The following NECTIN1 variants were observed in gnomAD, a reference collection of about 807,000 sequenced individuals.
The protein encoded by NECTIN1 is nectin-1.
In NECTIN1, 23 loss-of-function variants were observed where a neutral mutation model predicts 48.0. That is an observed-to-expected ratio of 0.48 (90% CI 0.34 to 0.68). NECTIN1 has a LOEUF of 0.68. NECTIN1 is among the 30% of genes least tolerant of loss of function. NECTIN1 has a pLI of 0.01. For synonymous variants in NECTIN1, 270 were observed against 288.9 expected, an observed-to-expected ratio of 0.93 and a Z score of 0.66; for missense variants, 591 against 709.9, an observed-to-expected ratio of 0.83 and a Z score of 1.90.
intron 1 of NECTIN1, among the ~76,000 whole-genome samples, chr11:119,690,827 G>A (rs1432009022): frequency 6.6e-6 from 1 of 151,718 alleles, no homozygotes; most frequent in East Asian, 1.9e-4. Flanking sequence ...ACAGGGGCAG[G>A]GACTCTGAGT....
At chr11:119,700,199 G>A (rs1865421617) in intron 1 of NECTIN1, among the ~76,000 whole-genome samples, 1 of 152,134 alleles carries the variant, frequency 6.6e-6, no homozygotes, top group African/African-American at 2.4e-5. Flanking sequence ...GGTGTGGTGT[G>A]ACCTAGCACT....
intron 5 of NECTIN1, among the ~76,000 whole-genome samples, chr11:119,653,862 A>G (rs1287672183): frequency 6.6e-6 from 1 of 152,202 alleles, no homozygotes; most frequent in Non-Finnish European, 1.5e-5. Context: ...CCATATATGA[A>G]CTATCTTTAT....
chr11:119,669,376 A>T (rs1268363701), intron 5 of NECTIN1, among the ~76,000 whole-genome samples: 4 of 146,930 alleles, frequency 2.7e-5, no homozygotes, highest in Non-Finnish European at 5.9e-5. Flanking sequence ...GTGCCATTGC[A>T]CTCCAGCCTG....
At chr11:119,712,354 GCCCCCGAGTCTCCAC>G (rs1236668688) in intron 1 of NECTIN1, among the ~76,000 whole-genome samples, 2 of 118,356 alleles carry the variant, frequency 1.7e-5, no homozygotes, top group African/African-American at 5.2e-5. Context: ...CCCAGTTCAG[GCCCCCGAGTCTCCAC>G]CATAGCCCCG....
chr11:119,648,345 GC>G (rs1864438750), intron 5 of NECTIN1, among the ~76,000 whole-genome samples: 13 of 25,638 alleles, frequency 5.1e-4, no homozygotes, highest in African/African-American at 9.0e-4. Context: ...TGGTGGTGAT[GC>G]TGGTGGTGGT....
chr11:119,675,632 G>A (rs546007166), intron 4 of NECTIN1: 1 of 317,794 alleles, frequency 3.1e-6, no homozygotes, highest in African/African-American at 2.1e-5. Flanking sequence ...CCAATTCTCG[G>A]GACTCCTGGT....
intron 1 of NECTIN1, among the ~76,000 whole-genome samples, chr11:119,679,286 G>A (rs1865018480): frequency 6.6e-6 from 1 of 152,174 alleles, no homozygotes; most frequent in Non-Finnish European, 1.5e-5. Context: ...AGGTTACTGG[G>A]GGAAACAAAT....
At position 119,665,026 on chromosome 11, in the gene NECTIN1, CT is replaced by C; in HGVS notation, c.1274del (p.Glu425GlyfsTer173). 6.2e-7 allele frequency: 1 copy of C among 1,613,878 alleles called. No individual in the cohort carries two copies. The highest frequency in any genetic ancestry group is 8.5e-7 in the Non-Finnish European group (1 of 1,179,908). ...TTCCACCCAGTGGGCCGGCCTTCTT[CT>C]CGTCGTCTGAGTCGTCGGGGTACTG... ...NLQYPDDSDD[E>X]KKAGPLGGSS... On this transcript the variant is annotated frameshift_variant, in exon 6 of 6. Transcript: ENST00000264025. LOFTEE classifies it high-confidence loss of function. The surrounding 1 kb of genome is among the most constrained non-coding windows in gnomAD (Gnocchi z 5.1).
intron 5 of NECTIN1, among the ~76,000 whole-genome samples, chr11:119,650,094 G>T (rs997545884): frequency 6.6e-6 from 1 of 151,648 alleles, no homozygotes; most frequent in Non-Finnish European, 1.5e-5. Flanking sequence ...AAGAGTGGGG[G>T]TCACAAGGTA....
chr11:119,678,374 A>C lies in NECTIN1; in HGVS notation c.430+41T>G, dbSNP rs1222427415. ...GAGGATGGCCACGCCCCGAGGTCAC[A>C]GGCCTCTGGATGAACAGGGAGGGGG... On this transcript the variant is annotated intron_variant, in intron 2 of 5. Coordinates refer to ENST00000264025, the MANE Select transcript of NECTIN1 (RefSeq NM_002855.5). The surrounding 1 kb of genome is among the most constrained non-coding windows in gnomAD (Gnocchi z 4.4). 5 of 1,570,744 alleles carry C rather than the reference A, an allele frequency of 3.2e-6. No individual in the cohort carries two copies. The highest frequency in any genetic ancestry group is 4.4e-6 in the Non-Finnish European group (5 of 1,141,122).
intron 1 of NECTIN1, among the ~76,000 whole-genome samples, chr11:119,680,367 C>T (rs1865038151): frequency 6.6e-6 from 1 of 152,186 alleles, no homozygotes; most frequent in Non-Finnish European, 1.5e-5. Context: ...TGAGCGTCAT[C>T]AATAGCATTA....
At chr11:119,714,446 C>T (rs1407645373) in intron 1 of NECTIN1, among the ~76,000 whole-genome samples, 5 of 152,166 alleles carry the variant, frequency 3.3e-5, no homozygotes, top group Non-Finnish European at 7.4e-5. Context: ...TACCTCCTTC[C>T]ACGAGTCACC....
Position 119,663,920 on chromosome 11 carries a change from G to C in NECTIN1, c.*827C>G, listed in dbSNP as rs1864713423. On this transcript the variant is annotated 3_prime_UTR_variant, in exon 6 of 6. Coordinates refer to ENST00000264025, the MANE Select transcript of NECTIN1 (RefSeq NM_002855.5). ...ATGGGGCAGGGCATGGGACTCCAGG[G>C]GAAAGCAGGCAGAGAGGAGCAGTGT... 2 of 986,478 alleles carry C rather than the reference G, an allele frequency of 2.0e-6. No individual in the cohort carries two copies. Among genetic ancestry groups the C allele is most frequent in the African/African-American group, 3.5e-5 (2 of 57,250 alleles). The allele number at this position is 986,478 out of a possible 1,614,324, so 61.1% of individuals were successfully genotyped here. A position where few individuals can be genotyped will look rare whatever the true frequency, so the allele number is the denominator to read the frequency against.
Position 119,663,865 on chromosome 11 carries a change from A to G in NECTIN1, c.*882T>C. 1.0e-6 allele frequency: 1 copy of G among 985,904 alleles called. No homozygotes were observed. Among genetic ancestry groups the G allele is most frequent in the Non-Finnish European group, 1.2e-6 (1 of 830,296 alleles). The allele number at this position is 985,904 out of a possible 1,614,324, so 61.1% of individuals were successfully genotyped here. Reference sequence around the variant, plus strand: ...AGCTTAAAGGGGGAATGAGGTGGAAATAGACGGGTGGGCCTTGGGCAGTGT... The same window carrying G: ...AGCTTAAAGGGGGAATGAGGTGGAAGTAGACGGGTGGGCCTTGGGCAGTGT... On this transcript the variant is annotated 3_prime_UTR_variant, in exon 6 of 6. Transcript: ENST00000264025.
chr11:119,720,955 CA>C (rs1448944612), intron 1 of NECTIN1, among the ~76,000 whole-genome samples: 5 of 152,154 alleles, frequency 3.3e-5, no homozygotes, highest in Non-Finnish European at 5.9e-5. Flanking sequence ...GGTGAAACTC[CA>C]TCTATAGGTG....
chr11:119,638,401 G>A (rs954301051), intron 7 of NECTIN1, among the ~76,000 whole-genome samples: 1 of 152,216 alleles, frequency 6.6e-6, no homozygotes, highest in Non-Finnish European at 1.5e-5. Context: ...GGGCACAAGT[G>A]CACCCTGAGC....
intron 5 of NECTIN1, among the ~76,000 whole-genome samples, chr11:119,645,938 C>T (rs1401531561): frequency 6.6e-6 from 1 of 152,196 alleles, no homozygotes; most frequent in Non-Finnish European, 1.5e-5. Context: ...CCTCTGTCCT[C>T]CCCTTCTCTT....
At chr11:119,715,718 C>T (rs1252008368) in intron 1 of NECTIN1, among the ~76,000 whole-genome samples, 1 of 152,172 alleles carries the variant, frequency 6.6e-6, no homozygotes, top group African/African-American at 2.4e-5. Flanking sequence ...CCTAGTGTCA[C>T]TGTCCCTTCA....
chr11:119,665,442 G>A lies in NECTIN1; in HGVS notation c.1004-145C>T, dbSNP rs1591449600. On this transcript the variant is annotated intron_variant, in intron 5 of 5. Transcript: ENST00000264025. This position sits in a 1 kb window ranked among gnomAD's most constrained non-coding sequence, Gnocchi z 5.1. ...TTGAGCAGCTCCAGTTCGAGGCCCC[G>A]CAGCACTCCACCCATCCTGGAGCCC... 6 of 1,389,934 alleles carry A rather than the reference G, an allele frequency of 4.3e-6. No individual in the cohort carries two copies. The highest frequency in any genetic ancestry group is 2.5e-5 in the East Asian group (1 of 39,842). 86.1% of individuals were successfully genotyped at this position (1,389,934 alleles called of 1,614,324 possible). A position where few individuals can be genotyped will look rare whatever the true frequency, so the allele number is the denominator to read the frequency against.
Sources: gnomAD v4.1 joint callset for allele counts (sites outside exome capture counted in the v4.1 genomes callset) on GRCh38, gnomAD v4.1.1 for gene constraint, Gnocchi (gnomAD v3.1) non-coding constraint, MANE v1.5 for transcripts, NCBI Gene and HGNC (gene_info 2026-07-23, HGNC 2026-07-21) for gene names.